BSN: variants seen among roughly 807,000 people sequenced by gnomAD.
BSN encodes the protein bassoon presynaptic cytomatrix protein.
In BSN, 57 loss-of-function variants were observed where a neutral mutation model predicts 264.8. The observed-to-expected ratio is 0.22, with a 90% CI of 0.17 to 0.27. BSN has a LOEUF of 0.27. Ranked by LOEUF, BSN falls within the 10% of genes least tolerant of loss-of-function variation. The pLI is 1.00. For missense variants in BSN, 4,615 were observed against 5,232.5 expected (o/e 0.88, Z 3.64); for synonymous variants, 2,059 against 2,137.3 (o/e 0.96, Z 1.01).
chr3:49,610,840 C>T, intron 1 of BSN, among the ~76,000 whole-genome samples: 1 of 152,192 alleles, frequency 6.6e-6, no homozygotes, highest in Non-Finnish European at 1.5e-5. Context: ...GTCCCCTGAG[C>T]ACAGCAGATG....
At chr3:49,609,617 T>TACA (rs549362364) in intron 1 of BSN, among the ~76,000 whole-genome samples, 211 of 152,294 alleles carry the variant, frequency 1.4e-3, no homozygotes, top group Middle Eastern at 6.8e-3. Flanking sequence ...TATGCTGCTG[T>TACA]GCCTGACATG....
In BSN at chr3:49,625,236, C is replaced by T; in HGVS notation, c.486C>T (p.Ala162=). Residue 162 remains alanine (A), a synonymous_variant, in exon 2 of 12, where the codon GCC becomes GCT. Transcript: ENST00000296452. This position sits in a 1 kb window ranked among gnomAD's most constrained non-coding sequence, Gnocchi z 4.4. Reference sequence around the variant, plus strand: ...CACCCTACTCCGTCCCTCAGATCGCCCCCCTTCCCAGCAGCACGCTGTGTC... The same window carrying T: ...CACCCTACTCCGTCCCTCAGATCGCTCCCCTTCCCAGCAGCACGCTGTGTC... The part of the protein sequence containing the change: ...PTSPYSVPQI[A]PLPSSTLCPI... The T allele has an allele frequency of 6.3e-7, 1 of 1,593,030 alleles. No homozygotes were observed. Among genetic ancestry groups the T allele is most frequent in the Non-Finnish European group, 8.5e-7 (1 of 1,170,372 alleles).
At chr3:49,639,066 A>G (rs1250470637) in intron 2 of BSN, among the ~76,000 whole-genome samples, 1 of 152,124 alleles carries the variant, frequency 6.6e-6, no homozygotes, top group East Asian at 1.9e-4. Context: ...CTTTGATGGG[A>G]ATAAGCCCCT....
intron 1 of BSN, among the ~76,000 whole-genome samples, chr3:49,617,798 C>T (rs2052273185): frequency 6.6e-6 from 1 of 152,152 alleles, no homozygotes; most frequent in South Asian, 2.1e-4. Flanking sequence ...ACCCCTGGAG[C>T]TCCTGCCACG....
intron 10 of BSN, 66 bp downstream of exon 10, chr3:49,664,919 G>A: frequency 7.8e-7 from 1 of 1,275,194 alleles, no homozygotes. Flanking sequence ...GGTGGGGGTG[G>A]GGCTCTAAGT....
chr3:49,554,573 A>T lies in BSN; in HGVS notation c.-30A>T. On this transcript the variant is annotated 5_prime_UTR_variant, in exon 1 of 12. Transcript: ENST00000296452. ...GAGCCGCCGGCCCGGGCGCAGCGCG[A>T]CCCCGACCCCGCCCGCCCGCCTGCC... The T allele has an allele frequency of 1.1e-6, 1 of 883,744 alleles. No homozygotes were observed. The highest frequency in any genetic ancestry group is 1.4e-6 in the Non-Finnish European group (1 of 739,530). 54.7% of individuals were successfully genotyped at this position (883,744 alleles called of 1,614,324 possible). A position where few individuals can be genotyped will look rare whatever the true frequency, so the allele number is the denominator to read the frequency against.
In BSN at chr3:49,654,056, C is replaced by T. The variant is rs1291778638; in HGVS notation, c.4500C>T (p.Ala1500=). 1 of 1,613,896 alleles carries T rather than the reference C, an allele frequency of 6.2e-7. No homozygotes were observed. The highest frequency in any genetic ancestry group is 1.1e-5 in the South Asian group (1 of 91,080). ...CCCCTGGCAAGATGGGCCCAAGGGC[C>T]ACAGCAGAGTTCTCTACACAGACGC... ...TFSPGKMGPR[A]TAEFSTQTPS... is the part of the protein sequence containing the mutation. Residue 1500 remains alanine, a synonymous_variant, in exon 5 of 12, where the codon GCC becomes GCT. Coordinates refer to ENST00000296452, the MANE Select transcript of BSN (RefSeq NM_003458.4). This position sits in a 1 kb window ranked among gnomAD's most constrained non-coding sequence, Gnocchi z 4.1.
At chr3:49,565,117 C>CTT (rs1299417628) in intron 1 of BSN, among the ~76,000 whole-genome samples, 2 of 130,480 alleles carry the variant, frequency 1.5e-5, no homozygotes, top group Non-Finnish European at 1.7e-5. Context: ...TATTCCTCCA[C>CTT]TTTTTTTTTT....
rs371064815 is a variant in BSN, at chr3:49,662,502, T to C, written c.10657T>C (p.Tyr3553His). The C allele has an allele frequency of 2.5e-6, 4 of 1,612,592 alleles. No individual in the cohort carries two copies. The highest frequency in any genetic ancestry group is 3.4e-6 in the Non-Finnish European group (4 of 1,179,616). ...HVKDGPRAHA[Y>H]KREEGYILDD... ...CAAGGACGGACCTCGGGCCCACGCA[T>C]ATAAGCGTGAGGAGGGCTACATCCT... The change falls in exon 6 of 12, where the codon TAT (tyrosine) becomes CAT (histidine). Residue 3553 changes from tyrosine to histidine, a missense_variant. This residue lies in a region of BSN where 3,415 missense variants were observed against 3,866.4 expected (regional missense o/e 0.88). Coordinates refer to ENST00000296452, the MANE Select transcript of BSN (RefSeq NM_003458.4).
At position 49,652,101 on chromosome 3, in the gene BSN, G is replaced by A. The variant is rs754204745; in HGVS notation, c.2545G>A (p.Glu849Lys). 4 of 1,611,752 alleles carry A rather than the reference G, an allele frequency of 2.5e-6. No individual in the cohort carries two copies. The highest frequency in any genetic ancestry group is 1.3e-5 in the African/African-American group (1 of 74,880). ...GGATTTCATGCGACGGCAGATTCTC[G>A]AGATGAGCGCCGAGGAAGACAACCT... ...DEDFMRRQIL[E>K]MSAEEDNLEE... is the part of the protein sequence containing the mutation. Residue 849 changes from glutamate to lysine, a missense_variant, in exon 5 of 12, where the codon GAG becomes AAG. Physicochemically the swap from Glu to Lys is moderately conservative, Grantham distance 56 (BLOSUM62 1). Around this residue, in one of 3 missense-constraint regions of BSN, gnomAD observed 1,197 missense variants for 1,348.0 expected, o/e 0.89. Transcript: ENST00000296452.
In BSN at chr3:49,656,214, G is replaced by A. The variant is rs753536169; in HGVS notation, c.6658G>A (p.Val2220Met). 9.9e-6 allele frequency: 16 copies of A among 1,610,508 alleles called. 1 individual carries two copies. The highest frequency in any genetic ancestry group is 1.6e-4 in the Middle Eastern group (1 of 6,072). The change falls in exon 5 of 12, where the codon GTG becomes ATG. Residue 2220 changes from valine (V) to methionine (M), a missense_variant. Around this residue, in one of 3 missense-constraint regions of BSN, gnomAD observed 3,415 missense variants for 3,866.4 expected, o/e 0.88. Coordinates refer to ENST00000296452, the MANE Select transcript of BSN (RefSeq NM_003458.4). ...GCCTGCCTCAGTCCTGCGGCCCATG[G>A]TGCGTGGTGGCATGTACAGGCCTTA... ...TQPASVLRPM[V>M]RGGMYRPYAS...
At chr3:49,597,559 G>C (rs763898669) in intron 1 of BSN, among the ~76,000 whole-genome samples, 1 of 151,902 alleles carries the variant, frequency 6.6e-6, no homozygotes, top group African/African-American at 2.4e-5. Context: ...TTGAACTCCT[G>C]GCCTCAAGTG....
At chr3:49,598,777 C>T (rs1475756285) in intron 1 of BSN, among the ~76,000 whole-genome samples, 2 of 152,146 alleles carry the variant, frequency 1.3e-5, no homozygotes, top group Admixed American at 6.5e-5. Flanking sequence ...CAAAGATATA[C>T]TCTCACTATT....
chr3:49,640,644 G>A (rs11130212), intron 2 of BSN: 76,692 of 151,900 alleles, frequency 0.5, 20,920 homozygotes, highest in East Asian at 0.94. Flanking sequence ...GATTACAGGC[G>A]TTCGCCACCA....
chr3:49,649,681 T>C lies in BSN; in HGVS notation c.1519-931T>C, dbSNP rs149492091. 4.3e-3 allele frequency among the ~76,000 whole-genome samples: 661 copies of C among 152,342 alleles called. 8 individuals carry two copies. Among genetic ancestry groups the C allele is most frequent in the African/African-American group, 0.015 (629 of 41,584 alleles). On this transcript the variant is annotated intron_variant, in intron 3 of 11. Transcript: ENST00000296452. ...TGTGTTCTGGGGGCTTCACCATTGATACCTGTGTCATACTTGTAAATGACC... is the reference window on the plus strand; with the variant it reads ...TGTGTTCTGGGGGCTTCACCATTGACACCTGTGTCATACTTGTAAATGACC...
In BSN at chr3:49,624,963, A is replaced by G; in HGVS notation, c.225-12A>G. The G allele has an allele frequency of 6.7e-7, 1 of 1,499,228 alleles. No individual in the cohort carries two copies. The highest frequency in any genetic ancestry group is 2.4e-5 in the East Asian group (1 of 41,860). The allele number at this position is 1,499,228 out of a possible 1,614,324, so 92.9% of individuals were successfully genotyped here. On this transcript the variant is annotated splice_polypyrimidine_tract_variant and intron_variant, in intron 1 of 11. Coordinates refer to ENST00000296452, the MANE Select transcript of BSN (RefSeq NM_003458.4). ...GCTGTATCTCTAACAGTCATTTTCA[A>G]TGTCATTTCAGCACTTCCCGGAGAC...
chr3:49,637,939 A>C (rs1340853284), intron 2 of BSN, among the ~76,000 whole-genome samples: 4 of 152,238 alleles, frequency 2.6e-5, no homozygotes, highest in Non-Finnish European at 5.9e-5. Context: ...GCTAGCAAGA[A>C]GAGTCAGCTC....
chr3:49,603,245 C>G (rs546425023), intron 1 of BSN, among the ~76,000 whole-genome samples: 14 of 152,198 alleles, frequency 9.2e-5, no homozygotes, highest in Non-Finnish European at 1.6e-4. Context: ...TGAGCTGTCA[C>G]AGGAAGTGTG....
At chr3:49,567,735 T>G (rs2051764571) in intron 1 of BSN, among the ~76,000 whole-genome samples, 1 of 152,172 alleles carries the variant, frequency 6.6e-6, no homozygotes, top group Non-Finnish European at 1.5e-5. Context: ...AACTTAGTAG[T>G]GGAAAACAGC....
Sources: gnomAD v4.1 joint callset for allele counts (sites outside exome capture counted in the v4.1 genomes callset) on GRCh38, gnomAD v4.1.1 for gene constraint, gnomAD v4.1.1 regional missense constraint, Gnocchi (gnomAD v3.1) non-coding constraint, MANE v1.5 for transcripts, NCBI Gene and HGNC (gene_info 2026-07-23, HGNC 2026-07-21) for gene names.